The following EEA1 variants were observed in gnomAD, a reference collection of about 807,000 sequenced individuals.
The protein encoded by EEA1 is early endosome antigen 1, 162kD.
EEA1 carries 111 observed loss-of-function variants against 209.2 expected under a neutral mutation model. The observed-to-expected ratio is 0.53, with a 90% confidence interval of 0.45 to 0.62. The LOEUF (loss-of-function observed/expected upper bound fraction) is 0.62, where lower values mean the gene tolerates loss of function less well. Among genes scored for constraint, EEA1 ranks in the 20% least tolerant of loss-of-function variants. The pLI, the probability that EEA1 is intolerant of heterozygous loss-of-function variation, is 0.00. For missense variants in EEA1, 1,343 were observed against 1,530.8 expected (o/e 0.88, Z 2.05); for synonymous variants, 536 against 540.6 (o/e 0.99, Z 0.12).
At chr12:92,822,775 T>C (rs1400196042) in intron 13 of EEA1, among the ~76,000 whole-genome samples, 1 of 152,162 alleles carries the variant, frequency 6.6e-6, no homozygotes, top group Non-Finnish European at 1.5e-5. Context: ...TCTCTCTCGG[T>C]TAACATATAT....
chr12:92,800,239 C>T (rs1874846605), intron 20 of EEA1, among the ~76,000 whole-genome samples: 1 of 152,068 alleles, frequency 6.6e-6, no homozygotes, highest in African/African-American at 2.4e-5. Flanking sequence ...AATAATAATA[C>T]ACTGTAGAAT....
intron 10 of EEA1, among the ~76,000 whole-genome samples, chr12:92,839,385 T>G (rs1470828377): frequency 6.6e-6 from 1 of 152,214 alleles, no homozygotes; most frequent in Non-Finnish European, 1.5e-5. Context: ...TATTATCAAA[T>G]TTGAGCACAG....
At chr12:92,888,809 A>G (rs1424579731) in intron 2 of EEA1, among the ~76,000 whole-genome samples, 1 of 152,164 alleles carries the variant, frequency 6.6e-6, no homozygotes, top group African/African-American at 2.4e-5. Context: ...AAAATCCTCG[A>G]AACGGAAGGA....
At chr12:92,921,969 T>G (rs1045617760) in intron 1 of EEA1, among the ~76,000 whole-genome samples, 2 of 152,040 alleles carry the variant, frequency 1.3e-5, no homozygotes, top group African/African-American at 4.8e-5. Context: ...ATAATTTCCA[T>G]GTAGTCTGTA....
intron 1 of EEA1, among the ~76,000 whole-genome samples, chr12:92,920,848 A>G (rs1156903489): frequency 2.7e-5 from 4 of 150,660 alleles, no homozygotes; most frequent in African/African-American, 9.7e-5. Context: ...CAACCTACTC[A>G]TCTGACAAAG....
intron 18 of EEA1, among the ~76,000 whole-genome samples, chr12:92,808,612 A>G (rs78274675): frequency 0.019 from 2,821 of 152,068 alleles, 94 homozygotes; most frequent in African/African-American, 0.063. Flanking sequence ...ATCACTTCTT[A>G]TAAGAAAGAA....
chr12:92,916,423 G>A (rs992201028), intron 1 of EEA1, among the ~76,000 whole-genome samples: 1 of 151,448 alleles, frequency 6.6e-6, no homozygotes, highest in Non-Finnish European at 1.5e-5. Flanking sequence ...GGGTGGCTGA[G>A]GTGGGCAGAT....
intron 1 of EEA1, among the ~76,000 whole-genome samples, chr12:92,916,764 GAGA>G (rs1880777843): frequency 7.8e-6 from 1 of 128,156 alleles, no homozygotes; most frequent in Non-Finnish European, 1.7e-5. Flanking sequence ...GACGAGCTGA[GAGA>G]AGAAGGCTTC....
rs1176566759 is a variant in EEA1, at chr12:92,864,952, T to G, written c.153A>C (p.Gly51=). The G allele has an allele frequency of 1.9e-5, 30 of 1,610,970 alleles. No homozygotes were observed. The highest frequency in any genetic ancestry group is 2.5e-5 in the Non-Finnish European group (30 of 1,178,672). The change falls in exon 3 of 29, where the codon GGA becomes GGC. Residue 51 remains glycine (G), a synonymous_variant. Transcript: ENST00000322349. ...FICPQCMKSL[G]SADELFKHYE... The stretch of plus-strand genomic sequence containing the variant: ...AATGTTTGAAAAGTTCATCAGCAGA[T>G]CCAAGAGATTTCATACACTGGGGAC...
chr12:92,783,571 G>C (rs1265480137), intron 22 of EEA1, among the ~76,000 whole-genome samples: 13 of 152,212 alleles, frequency 8.5e-5, no homozygotes, highest in South Asian at 8.3e-4. Context: ...CTATATCGTA[G>C]AAGTAGTGAT....
chr12:92,884,186 T>A, intron 2 of EEA1: 20 of 1,426,020 alleles, frequency 1.4e-5, no homozygotes, highest in Non-Finnish European at 1.9e-5. Flanking sequence ...CATGACTCAC[T>A]GAGGCAGTGC....
At chr12:92,847,838 C>T (rs571984864) in intron 9 of EEA1, among the ~76,000 whole-genome samples, 1 of 152,200 alleles carries the variant, frequency 6.6e-6, no homozygotes, top group Non-Finnish European at 1.5e-5. Context: ...AGTTAACTTA[C>T]AGGGTTATAA....
intron 3 of EEA1, chr12:92,859,018 T>G: frequency 1.5e-6 from 1 of 686,456 alleles, no homozygotes; most frequent in Non-Finnish European, 2.6e-6. Flanking sequence ...AGGAGGTCTG[T>G]GCAGAACGGT....
intron 23 of EEA1, 42 bp downstream of exon 23, chr12:92,781,908 G>GT (rs1450829104): frequency 1.9e-6 from 3 of 1,546,860 alleles, no homozygotes; most frequent in African/African-American, 2.7e-5. Flanking sequence ...TAAGACAACT[G>GT]TAACTCTAAG....
At chr12:92,925,507 G>A (rs1450330948) in intron 1 of EEA1, among the ~76,000 whole-genome samples, 1 of 152,156 alleles carries the variant, frequency 6.6e-6, no homozygotes, top group Non-Finnish European at 1.5e-5. Flanking sequence ...GAGCCACTAA[G>A]CCAGCCCACA....
chr12:92,853,838 G>A, intron 6 of EEA1, 77 bp downstream of exon 6: 2 of 1,277,598 alleles, frequency 1.6e-6, no homozygotes, highest in Middle Eastern at 2.0e-4. Flanking sequence ...TCATTTGGCA[G>A]GCATCAAAGA....
In EEA1 at chr12:92,772,354, A is replaced by C. The variant is rs1873467078; in HGVS notation, c.*3657T>G. 6.6e-6 allele frequency: 1 copy of C among 151,844 alleles called. No individual in the cohort carries two copies. Among genetic ancestry groups the C allele is most frequent in the Non-Finnish European group, 1.5e-5 (1 of 67,808 alleles). 9.4% of individuals were successfully genotyped at this position (151,844 alleles called of 1,614,324 possible). The stretch of plus-strand genomic sequence containing the variant: ...ATTAATAATTTCTCTTGAGATCAGG[A>C]ATTTAATTACTATTCGAAATTGAAC... On this transcript the variant is annotated 3_prime_UTR_variant, in exon 29 of 29. Coordinates refer to ENST00000322349, the MANE Select transcript of EEA1 (RefSeq NM_003566.4).
chr12:92,925,580 C>T (rs1412662385), intron 1 of EEA1, among the ~76,000 whole-genome samples: 2 of 152,114 alleles, frequency 1.3e-5, no homozygotes, highest in Admixed American at 6.6e-5. Flanking sequence ...AGGTACTAAA[C>T]GTTGATTAAA....
chr12:92,779,450 T>C, intron 24 of EEA1, 150 bp from the exon 25 acceptor site: 1 of 709,002 alleles, frequency 1.4e-6, no homozygotes, highest in Non-Finnish European at 2.2e-6. Flanking sequence ...AAGAATTGGT[T>C]AAAAAGATAC....
Sources: gnomAD v4.1 joint callset for allele counts (sites outside exome capture counted in the v4.1 genomes callset) on GRCh38, gnomAD v4.1.1 for gene constraint, MANE v1.5 for transcripts, NCBI Gene and HGNC (gene_info 2026-07-23, HGNC 2026-07-21) for gene names.